Variants in LAMA1 observed in about 807,000 individuals in gnomAD.
The protein encoded by LAMA1 is laminin subunit alpha 1.
A neutral mutation model predicts 348.7 loss-of-function variants in LAMA1; 219 were observed. That is an observed-to-expected ratio of 0.63 (90% CI 0.56 to 0.70). The LOEUF (loss-of-function observed/expected upper bound fraction) is 0.70. Ranked by LOEUF, LAMA1 falls within the 30% of genes least tolerant of loss-of-function variation. LAMA1 has a pLI of 0.00. For missense variants in LAMA1, 3,744 were observed against 3,888.0 expected (o/e 0.96, Z 0.99); for synonymous variants, 1,487 against 1,491.0 (o/e 1.00, Z 0.06).
chr18:6,984,342 C>T (rs1259537916), intron 39 of LAMA1, among the ~76,000 whole-genome samples: 1 of 152,178 alleles, frequency 6.6e-6, no homozygotes, highest in South Asian at 2.1e-4. Context: ...ATACATTTTC[C>T]CAGTGTGGTC....
chr18:7,091,478 C>T (rs1181373749), intron 1 of LAMA1, among the ~76,000 whole-genome samples: 1 of 152,182 alleles, frequency 6.6e-6, no homozygotes, highest in Non-Finnish European at 1.5e-5. Flanking sequence ...CACCAGTTTT[C>T]TGACCAGCCC....
chr18:7,114,493 A>G (rs2058348290), intron 1 of LAMA1, among the ~76,000 whole-genome samples: 1 of 152,254 alleles, frequency 6.6e-6, no homozygotes. Context: ...TTTATAAAAT[A>G]GTAACAGTGA....
intron 1 of LAMA1, among the ~76,000 whole-genome samples, chr18:7,102,112 G>A (rs144260237): frequency 6.6e-6 from 1 of 152,064 alleles, no homozygotes; most frequent in African/African-American, 2.4e-5. Flanking sequence ...TTCAAGGAAA[G>A]TTTGATTATA....
intron 7 of LAMA1, 120 bp from the exon 8 acceptor site, chr18:7,043,525 A>G (rs568072324): frequency 2.5e-6 from 2 of 814,184 alleles, no homozygotes; most frequent in Admixed American, 2.2e-5. Flanking sequence ...TAGAATAAGT[A>G]ATTTTAATAA....
chr18:7,098,369 T>C (rs1471633918), intron 1 of LAMA1, among the ~76,000 whole-genome samples: 2 of 144,136 alleles, frequency 1.4e-5, no homozygotes, highest in Non-Finnish European at 1.5e-5. Context: ...GTGAGGAGCG[T>C]CTCCGCCCGG....
At chr18:7,108,122 G>A (rs1168341742) in intron 1 of LAMA1, among the ~76,000 whole-genome samples, 1 of 151,786 alleles carries the variant, frequency 6.6e-6, no homozygotes, top group Non-Finnish European at 1.5e-5. Flanking sequence ...TGGATCACGA[G>A]GTCAGGAGTT....
chr18:7,015,276 T>G (rs1436497067), intron 22 of LAMA1, among the ~76,000 whole-genome samples: 1 of 152,162 alleles, frequency 6.6e-6, no homozygotes, highest in East Asian at 1.9e-4. Flanking sequence ...ATTGTTTTTG[T>G]TTTTGATTTT....
chr18:6,976,689 C>T (rs945631176), intron 44 of LAMA1, among the ~76,000 whole-genome samples: 2 of 152,006 alleles, frequency 1.3e-5, no homozygotes, highest in Admixed American at 1.3e-4. Context: ...TCACTGCAGC[C>T]TTGAACTCCT....
At chr18:7,012,267 C>T in intron 23 of LAMA1, 129 bp from the exon 24 acceptor site, 2 of 988,016 alleles carry the variant, frequency 2.0e-6, no homozygotes, top group Non-Finnish European at 3.1e-6. Context: ...TTAGTTTCCT[C>T]TAGCCAGGCC....
chr18:7,014,519 G>T (rs376066219), intron 22 of LAMA1, among the ~76,000 whole-genome samples: 3 of 151,968 alleles, frequency 2.0e-5, no homozygotes, highest in South Asian at 4.2e-4. Context: ...CCACTTGGGG[G>T]CCTGAAGCGG....
chr18:7,103,477 G>A (rs1247960768), intron 1 of LAMA1, among the ~76,000 whole-genome samples: 1 of 151,786 alleles, frequency 6.6e-6, no homozygotes, highest in African/African-American at 2.4e-5. Context: ...CTCTTTCTTA[G>A]TCTGGTTACC....
At position 7,032,146 on chromosome 18, in the gene LAMA1, C is replaced by T. The variant is rs988646642; in HGVS notation, c.2194G>A (p.Gly732Arg). ...TGACAAATTCCTCCAAAGAGTATTCCATCCACGCGGTAATAGCCAGAGAGG... is the reference window on the plus strand; with the variant it reads ...TGACAAATTCCTCCAAAGAGTATTCTATCCACGCGGTAATAGCCAGAGAGG... ...SCLSGYYRVD[G>R]ILFGGICQPC... Residue 732 changes from glycine to arginine, a missense_variant, in exon 16 of 63, where the codon GGA (glycine) becomes AGA (arginine). This residue lies in a region of LAMA1 where 1,529 missense variants were observed against 1,689.4 expected (regional missense o/e 0.91). Transcript: ENST00000389658. 2 of 1,614,126 alleles carry T rather than the reference C, an allele frequency of 1.2e-6. No homozygotes were observed. Among genetic ancestry groups the T allele is most frequent in the Non-Finnish European group, 1.7e-6 (2 of 1,179,990 alleles).
chr18:6,952,931 T>C (rs939409395), intron 57 of LAMA1, among the ~76,000 whole-genome samples: 17 of 146,936 alleles, frequency 1.2e-4, no homozygotes, highest in African/African-American at 4.2e-4. Flanking sequence ...CATGTCTGCC[T>C]GTGTCCAGTG....
intron 18 of LAMA1, 104 bp from the exon 19 acceptor site, chr18:7,023,479 T>C (rs2057927844): frequency 1.1e-6 from 1 of 912,888 alleles, no homozygotes. Context: ...ACGGACTCTG[T>C]TCCCTGAGAT....
intron 1 of LAMA1, 34 bp downstream of exon 1, chr18:7,117,626 G>A: frequency 6.3e-7 from 1 of 1,590,204 alleles, no homozygotes; most frequent in Non-Finnish European, 8.5e-7. Context: ...CCGCCTGCGG[G>A]GGACAGGGAC....
Position 7,036,008 on chromosome 18 carries a change from C to G in LAMA1, c.1818G>C (p.Ser606=). The G allele has an allele frequency of 2.5e-6, 4 of 1,613,886 alleles. No individual in the cohort carries two copies. Among genetic ancestry groups the G allele is most frequent in the Non-Finnish European group, 3.4e-6 (4 of 1,179,752 alleles). The change falls in exon 13 of 63, where the codon TCG becomes TCC. Residue 606 remains serine, a synonymous_variant. Coordinates refer to ENST00000389658, the MANE Select transcript of LAMA1 (RefSeq NM_005559.4). ...TCACCTTAATGATGACGTCAGCATGCGACATGAGGTTACTGTCTACCGTCT... is the reference window on the plus strand; with the variant it reads ...TCACCTTAATGATGACGTCAGCATGGGACATGAGGTTACTGTCTACCGTCT... ...PVETVDSNLM[S]HADVIIKGNG... is the part of the protein sequence containing the mutation.
At chr18:6,952,327 C>T (rs1398796221) in intron 57 of LAMA1, among the ~76,000 whole-genome samples, 1 of 152,158 alleles carries the variant, frequency 6.6e-6, no homozygotes, top group Non-Finnish European at 1.5e-5. Flanking sequence ...GAGTAACTCT[C>T]TCAAGAGCAG....
intron 3 of LAMA1, among the ~76,000 whole-genome samples, chr18:7,066,116 A>G (rs1002293894): frequency 6.6e-6 from 1 of 152,228 alleles, no homozygotes; most frequent in African/African-American, 2.4e-5. Flanking sequence ...ATAGGTGAGT[A>G]ATATATTTTT....
chr18:6,992,758 C>T (rs770460023), intron 35 of LAMA1, 38 bp from the exon 36 acceptor site: 1 of 1,555,390 alleles, frequency 6.4e-7, no homozygotes, highest in Non-Finnish European at 8.9e-7. Flanking sequence ...ATAAGCCTCT[C>T]AAAAGTGGCT....
Sources: gnomAD v4.1 joint callset for allele counts (sites outside exome capture counted in the v4.1 genomes callset) on GRCh38, gnomAD v4.1.1 for gene constraint, gnomAD v4.1.1 regional missense constraint, MANE v1.5 for transcripts, NCBI Gene and HGNC (gene_info 2026-07-23, HGNC 2026-07-21) for gene names.